The following PREX2 variants were observed in gnomAD, a reference collection of about 807,000 sequenced individuals.
PREX2 encodes the protein phosphatidylinositol-3,4,5-trisphosphate dependent Rac exchange factor 2, also known as phosphatidylinositol 3,4,5-trisphosphate-dependent Rac exchanger 2 protein.
A neutral mutation model predicts 203.2 loss-of-function variants in PREX2; 107 were observed. That is an observed-to-expected ratio of 0.53 (90% CI 0.45 to 0.62). The LOEUF (loss-of-function observed/expected upper bound fraction) is 0.62, where lower values mean the gene tolerates loss of function less well. PREX2 is among the 20% of genes least tolerant of loss of function. The probability of loss-of-function intolerance (pLI) is 0.00; values close to 1 mark genes in which losing one functional copy is unlikely to be tolerated. For missense variants in PREX2, 1,777 were observed against 1,955.9 expected, an observed-to-expected ratio of 0.91 and a Z score of 1.72; for synonymous variants, 672 against 663.6, an observed-to-expected ratio of 1.01 and a Z score of -0.19.
At chr8:68,168,660 T>C (rs1458311753) in intron 35 of PREX2, among the ~76,000 whole-genome samples, 1 of 152,204 alleles carries the variant, frequency 6.6e-6, no homozygotes, top group Non-Finnish European at 1.5e-5. Context: ...GATTTCTTCC[T>C]TTATTTTTCC....
intron 37 of PREX2, among the ~76,000 whole-genome samples, chr8:68,209,161 T>G (rs1203732482): frequency 1.3e-5 from 2 of 151,896 alleles, no homozygotes; most frequent in African/African-American, 2.4e-5. Flanking sequence ...GAGTAGCTGC[T>G]CTGTGCTATG....
intron 1 of PREX2, among the ~76,000 whole-genome samples, chr8:67,965,174 A>G (rs561111872): frequency 6.6e-4 from 101 of 152,354 alleles, no homozygotes; most frequent in Non-Finnish European, 1.1e-3. Context: ...CTCAGGAGCC[A>G]AAGATTACCC....
rs576705062 is a variant in PREX2, at chr8:68,052,431, GGT to G, written c.944-665_944-664del. Among the ~76,000 whole-genome samples the G allele has an allele frequency of 3.3e-5, 5 of 152,086 alleles. No homozygotes were observed. In the East Asian group the frequency reaches 9.7e-4, roughly 29 times the overall value. On this transcript the variant is annotated intron_variant, in intron 8 of 39. Transcript: ENST00000288368. ...GACAGTTTACCTAAAATTATAGTGA[GGT>G]ATCAAAAAAGACAATTAAATGTCAA... is the stretch of plus-strand genomic sequence containing the variant.
At chr8:68,084,370 T>C (rs1458387583) in intron 18 of PREX2, among the ~76,000 whole-genome samples, 1 of 152,198 alleles carries the variant, frequency 6.6e-6, no homozygotes, top group African/African-American at 2.4e-5. Flanking sequence ...CTATTAAAAG[T>C]ACATGCAGTA....
At chr8:68,051,925 GA>G (rs1808536610) in intron 8 of PREX2, among the ~76,000 whole-genome samples, 1 of 152,060 alleles carries the variant, frequency 6.6e-6, no homozygotes, top group South Asian at 2.1e-4. Context: ...CTCCACAACT[GA>G]ACAGCATCAT....
intron 34 of PREX2, among the ~76,000 whole-genome samples, chr8:68,148,826 T>C (rs930618876): frequency 3.9e-5 from 6 of 152,186 alleles, no homozygotes; most frequent in African/African-American, 1.2e-4. Flanking sequence ...AGTGATAAAG[T>C]TGTTTATTTA....
chr8:68,059,787 A>T (rs1307795124), intron 10 of PREX2, among the ~76,000 whole-genome samples: 1 of 152,096 alleles, frequency 6.6e-6, no homozygotes, highest in African/African-American at 2.4e-5. Context: ...TCAGCTCCTC[A>T]TTGAGGCTGC....
chr8:68,167,458 C>A (rs980301927), intron 35 of PREX2, among the ~76,000 whole-genome samples: 25 of 151,952 alleles, frequency 1.6e-4, no homozygotes, highest in Non-Finnish European at 7.4e-5. Context: ...CCCAGCCTCC[C>A]CAGTAGCTGG....
At chr8:68,173,654 A>C (rs980373978) in intron 35 of PREX2, among the ~76,000 whole-genome samples, 5 of 152,142 alleles carry the variant, frequency 3.3e-5, no homozygotes, top group African/African-American at 9.7e-5. Context: ...AACAAATGAG[A>C]TTAGAATTGT....
Position 67,952,488 on chromosome 8 carries a change from C to T in PREX2, c.94C>T (p.Gln32Ter). The T allele has an allele frequency of 6.2e-7, 1 of 1,608,882 alleles. No individual in the cohort carries two copies. Among genetic ancestry groups the T allele is most frequent in the Non-Finnish European group, 8.5e-7 (1 of 1,177,762 alleles). Residue 32 changes from glutamine (Q) to a stop codon, truncating the protein, a stop_gained, in exon 1 of 40, where the codon CAG becomes TAG. Coordinates refer to ENST00000288368, the MANE Select transcript of PREX2 (RefSeq NM_024870.4). LOFTEE classifies it high-confidence loss of function. ...RLRVCVLSEL[Q>*]KTERDYVGTL... ...GCGCGTGTGCGTGCTCAGCGAGCTC[C>T]AGAAGACCGAGCGGGACTATGTGGG...
intron 37 of PREX2, among the ~76,000 whole-genome samples, chr8:68,217,010 G>T (rs910544025): frequency 6.8e-6 from 1 of 147,024 alleles, no homozygotes; most frequent in Non-Finnish European, 1.5e-5. Context: ...AGAAGGAAAA[G>T]AACAAAGGCT....
chr8:68,218,263 C>T (rs189803272), intron 38 of PREX2, among the ~76,000 whole-genome samples: 9 of 152,152 alleles, frequency 5.9e-5, no homozygotes, highest in Non-Finnish European at 7.4e-5. Context: ...TACTTATAGG[C>T]GAGAATATAC....
chr8:68,011,925 T>C (rs1052384437), intron 1 of PREX2, among the ~76,000 whole-genome samples: 4 of 152,208 alleles, frequency 2.6e-5, no homozygotes, highest in Non-Finnish European at 4.4e-5. Context: ...GCATTTATTA[T>C]AGTATTTCAC....
At chr8:68,154,752 A>G (rs1207398526) in intron 34 of PREX2, among the ~76,000 whole-genome samples, 1 of 152,234 alleles carries the variant, frequency 6.6e-6, no homozygotes, top group Non-Finnish European at 1.5e-5. Flanking sequence ...TGAACTTGCA[A>G]TAGGCAGATT....
intron 35 of PREX2, among the ~76,000 whole-genome samples, chr8:68,186,281 G>A (rs1161268217): frequency 6.6e-6 from 1 of 152,002 alleles, no homozygotes; most frequent in Non-Finnish European, 1.5e-5. Flanking sequence ...TATTTCTCTG[G>A]ACTTCATCCA....
chr8:68,028,667 T>C (rs1585718645), intron 5 of PREX2, among the ~76,000 whole-genome samples: 1 of 151,904 alleles, frequency 6.6e-6, no homozygotes, highest in African/African-American at 2.4e-5. Flanking sequence ...TGCAAATGTG[T>C]CTCCTTTTTT....
chr8:68,087,853 G>A (rs1233182260), intron 19 of PREX2, 44 bp downstream of exon 19: 1 of 1,268,890 alleles, frequency 7.9e-7, no homozygotes, highest in South Asian at 1.2e-5. Flanking sequence ...CAGCAGGTTT[G>A]GGATGTGCCC....
intron 1 of PREX2, among the ~76,000 whole-genome samples, chr8:68,012,697 G>A (rs1044062142): frequency 6.6e-6 from 1 of 152,086 alleles, no homozygotes; most frequent in Admixed American, 6.6e-5. Flanking sequence ...ATGTTGTCAT[G>A]GAAGTTTAGG....
At chr8:68,052,696 T>G (rs1183256867) in intron 8 of PREX2, among the ~76,000 whole-genome samples, 1 of 152,194 alleles carries the variant, frequency 6.6e-6, no homozygotes, top group Non-Finnish European at 1.5e-5. Flanking sequence ...CTCTGAAACC[T>G]AGAATGCTAT....
Sources: gnomAD v4.1 joint callset for allele counts (sites outside exome capture counted in the v4.1 genomes callset) on GRCh38, gnomAD v4.1.1 for gene constraint, MANE v1.5 for transcripts, NCBI Gene and HGNC (gene_info 2026-07-23, HGNC 2026-07-21) for gene names.